The following LSAMP variants were observed in gnomAD, a reference collection of about 807,000 sequenced individuals.
The protein encoded by LSAMP is limbic system associated membrane protein.
Under a neutral mutation model 38.6 loss-of-function variants are expected in LSAMP, and 7 were observed. The ratio of observed to expected loss-of-function variants is 0.18; its 90% CI spans 0.10 to 0.34. LSAMP has a LOEUF of 0.34. Ranked by LOEUF, LSAMP falls within the 10% of genes least tolerant of loss-of-function variation. The pLI is 1.00. For missense variants in LSAMP, 313 were observed against 420.0 expected, an observed-to-expected ratio of 0.75 and a Z score of 2.23; for synonymous variants, 154 against 166.8, an observed-to-expected ratio of 0.92 and a Z score of 0.59.
chr3:116,215,377 T>C (rs1455077869), intron 1 of LSAMP, among the ~76,000 whole-genome samples: 3 of 152,128 alleles, frequency 2.0e-5, no homozygotes, highest in Admixed American at 2.0e-4. Context: ...GTGCAAGTGA[T>C]ACCTGCCACT....
At chr3:116,098,154 G>A (rs1393619094) in intron 1 of LSAMP, among the ~76,000 whole-genome samples, 2 of 152,132 alleles carry the variant, frequency 1.3e-5, no homozygotes, top group Admixed American at 6.6e-5. Context: ...GAAATGTAGT[G>A]GTCTCCTCTC....
chr3:116,438,060 C>CAAAAAAA (rs10637606), intron 1 of LSAMP, among the ~76,000 whole-genome samples: 4 of 126,278 alleles, frequency 3.2e-5, no homozygotes, highest in Admixed American at 8.2e-5. Flanking sequence ...CAGGTAACTA[C>CAAAAAAA]AAAAAAAAAA....
intron 1 of LSAMP, among the ~76,000 whole-genome samples, chr3:116,263,065 C>T (rs2107660419): frequency 6.6e-6 from 1 of 152,284 alleles, no homozygotes; most frequent in Non-Finnish European, 1.5e-5. Context: ...TGTCTGCTCT[C>T]TAATGGTCAA....
intron 2 of LSAMP, among the ~76,000 whole-genome samples, chr3:116,072,752 GTTT>G (rs36091421): frequency 0.017 from 1,892 of 112,308 alleles, 17 homozygotes; most frequent in African/African-American, 0.058. Flanking sequence ...GTTGTTTGTG[GTTT>G]TTTTTTTTTT....
intron 6 of LSAMP, among the ~76,000 whole-genome samples, chr3:115,823,130 A>C (rs1934299531): frequency 6.6e-6 from 1 of 152,260 alleles, no homozygotes; most frequent in African/African-American, 2.4e-5. Flanking sequence ...TAAAAAGAAC[A>C]CATCTATTAA....
chr3:116,070,816 G>A (rs1017158590), intron 2 of LSAMP, among the ~76,000 whole-genome samples: 4 of 152,136 alleles, frequency 2.6e-5, no homozygotes, highest in East Asian at 3.9e-4. Flanking sequence ...CAAGGTGGGC[G>A]GATCACCTGA....
chr3:116,147,580 T>C (rs1709517946), intron 1 of LSAMP, among the ~76,000 whole-genome samples: 1 of 152,000 alleles, frequency 6.6e-6, no homozygotes, highest in Admixed American at 6.6e-5. Context: ...TTGTCTATAA[T>C]ATTTTTCAAG....
intron 1 of LSAMP, among the ~76,000 whole-genome samples, chr3:116,231,337 A>G (rs1474594151): frequency 6.6e-6 from 1 of 152,190 alleles, no homozygotes; most frequent in African/African-American, 2.4e-5. Context: ...TGCTGAAGCA[A>G]AGGCCCAGTG....
At chr3:116,096,046 A>C (rs1287025369) in intron 1 of LSAMP, among the ~76,000 whole-genome samples, 1 of 152,204 alleles carries the variant, frequency 6.6e-6, no homozygotes, top group East Asian at 1.9e-4. Context: ...CCTAAGCTAT[A>C]AAACGAAGAT....
intron 3 of LSAMP, among the ~76,000 whole-genome samples, chr3:115,933,128 A>G (rs1056650649): frequency 6.6e-6 from 1 of 152,232 alleles, no homozygotes; most frequent in Non-Finnish European, 1.5e-5. Flanking sequence ...CTCGACAAGT[A>G]TGGAGAGACC....
chr3:116,318,090 C>T (rs574337024), intron 1 of LSAMP, among the ~76,000 whole-genome samples: 2 of 140,344 alleles, frequency 1.4e-5, no homozygotes, highest in Non-Finnish European at 3.0e-5. Flanking sequence ...GAGCCAAGAT[C>T]GTGCCACTGC....
intron 2 of LSAMP, among the ~76,000 whole-genome samples, chr3:116,031,794 C>G (rs929562974): frequency 6.6e-6 from 1 of 151,660 alleles, no homozygotes; most frequent in Non-Finnish European, 1.5e-5. Context: ...CTTTGCATTG[C>G]CCCTGCTCAA....
chr3:116,053,298 T>C (rs1193664349), intron 2 of LSAMP, among the ~76,000 whole-genome samples: 1 of 152,224 alleles, frequency 6.6e-6, no homozygotes, highest in East Asian at 1.9e-4. Context: ...ATTGAGCTTC[T>C]AGCTCAAGGT....
chr3:116,061,466 G>A (rs1941593582), intron 2 of LSAMP, among the ~76,000 whole-genome samples: 1 of 152,016 alleles, frequency 6.6e-6, no homozygotes, highest in Admixed American at 6.6e-5. Flanking sequence ...TGTGGTGAGA[G>A]GCATGGTAGG....
chr3:116,080,217 C>A (rs1707841925), intron 2 of LSAMP, among the ~76,000 whole-genome samples: 1 of 152,128 alleles, frequency 6.6e-6, no homozygotes, highest in Non-Finnish European at 1.5e-5. Flanking sequence ...TTCATAGATT[C>A]AATGATTCAA....
At chr3:116,038,609 C>T (rs1941099686) in intron 2 of LSAMP, among the ~76,000 whole-genome samples, 1 of 152,138 alleles carries the variant, frequency 6.6e-6, no homozygotes, top group Non-Finnish European at 1.5e-5. Flanking sequence ...AGCTCTCTCC[C>T]CTTCTCTGAG....
intron 1 of LSAMP, among the ~76,000 whole-genome samples, chr3:116,197,962 AG>A (rs79434787): frequency 0.19 from 29,622 of 152,088 alleles, 2,945 homozygotes; most frequent in Admixed American, 0.24. Flanking sequence ...CACCAGTCAA[AG>A]AAAGGCAGGT....
At chr3:115,830,878 G>A (rs974539517) in intron 6 of LSAMP, among the ~76,000 whole-genome samples, 1 of 152,198 alleles carries the variant, frequency 6.6e-6, no homozygotes, top group African/African-American at 2.4e-5. Flanking sequence ...TCCTCTAACT[G>A]TAGATAGGAT....
chr3:116,431,858 C>T (rs1213419129), intron 1 of LSAMP, among the ~76,000 whole-genome samples: 1 of 151,992 alleles, frequency 6.6e-6, no homozygotes, highest in Non-Finnish European at 1.5e-5. Flanking sequence ...CTTGGAATCA[C>T]AAATTCAAAG....
Sources: gnomAD v4.1 joint callset for allele counts (sites outside exome capture counted in the v4.1 genomes callset) on GRCh38, gnomAD v4.1.1 for gene constraint, MANE v1.5 for transcripts, NCBI Gene and HGNC (gene_info 2026-07-23, HGNC 2026-07-21) for gene names.